ZNF644: variants seen among roughly 807,000 people sequenced by gnomAD.
ZNF644 encodes zinc finger protein 644, also known as zinc finger motif enhancer binding protein 2.
Under a neutral mutation model 108.0 loss-of-function variants are expected in ZNF644, and 20 were observed. The observed-to-expected ratio is 0.19, with a 90% CI of 0.13 to 0.27. The LOEUF is 0.27. ZNF644 is among the 10% of genes least tolerant of loss of function. ZNF644 has a pLI of 1.00. For synonymous variants in ZNF644, 542 were observed against 539.1 expected, an observed-to-expected ratio of 1.01 and a Z score of -0.08; for missense variants, 1,338 against 1,548.9, an observed-to-expected ratio of 0.86 and a Z score of 2.29.
chr1:90,953,930 A>C (rs1186135690), intron 2 of ZNF644, among the ~76,000 whole-genome samples: 1 of 152,140 alleles, frequency 6.6e-6, no homozygotes. Context: ...AACAACAACA[A>C]AAATAAATAA....
intron 1 of ZNF644, among the ~76,000 whole-genome samples, chr1:90,984,848 G>A (rs1656933738): frequency 6.6e-6 from 1 of 152,158 alleles, no homozygotes; most frequent in Admixed American, 6.5e-5. Context: ...TGTTGTGTAA[G>A]CCACCCAGTC....
intron 2 of ZNF644, among the ~76,000 whole-genome samples, chr1:90,968,206 GTTA>G (rs1655125426): frequency 6.6e-6 from 1 of 151,946 alleles, no homozygotes; most frequent in Non-Finnish European, 1.5e-5. Flanking sequence ...CTCATGATCA[GTTA>G]TTTTGTAGGA....
Position 91,022,031 on chromosome 1 carries a change from C to T in ZNF644, c.-59G>A, listed in dbSNP as rs1660988469. The T allele has an allele frequency of 1.5e-5, 6 of 398,858 alleles. No homozygotes were observed. The East Asian group carries it at 1.8e-4, about 12-fold the overall frequency. 24.7% of individuals were successfully genotyped at this position (398,858 alleles called of 1,614,324 possible). A position where few individuals can be genotyped will look rare whatever the true frequency, so the allele number is the denominator to read the frequency against. ...CGTCAAACCGGGGCGACGTTGGGAGCACGCGGCGTCCCCGCGTCACACGCC... is the reference window on the plus strand; with the variant it reads ...CGTCAAACCGGGGCGACGTTGGGAGTACGCGGCGTCCCCGCGTCACACGCC... On this transcript the variant is annotated 5_prime_UTR_variant, in exon 1 of 6. Coordinates refer to ENST00000337393, the MANE Select transcript of ZNF644 (RefSeq NM_201269.3).
chr1:91,016,110 A>G (rs903993992), intron 1 of ZNF644, among the ~76,000 whole-genome samples: 83 of 152,156 alleles, frequency 5.5e-4, no homozygotes, highest in African/African-American at 1.9e-3. Flanking sequence ...TTGTGATTCT[A>G]TGTGTGTGTG....
At chr1:90,941,339 T>A in intron 2 of ZNF644, 30 bp from the exon 3 acceptor site, 2 of 1,579,546 alleles carry the variant, frequency 1.3e-6, no homozygotes, top group Non-Finnish European at 1.7e-6. Context: ...AATTTAGATT[T>A]GCATGAAAGA....
chr1:90,975,467 T>A (rs1480908771), intron 2 of ZNF644, among the ~76,000 whole-genome samples: 2 of 148,388 alleles, frequency 1.3e-5, no homozygotes, highest in Admixed American at 1.4e-4. Flanking sequence ...AGACAGAGTC[T>A]CGCTCTGTCT....
Position 90,938,616 on chromosome 1 carries a change from T to C in ZNF644, c.2738A>G (p.Asn913Ser). 3 of 1,611,806 alleles carry C rather than the reference T, an allele frequency of 1.9e-6. No homozygotes were observed. Among genetic ancestry groups the C allele is most frequent in the Non-Finnish European group, 2.5e-6 (3 of 1,178,836 alleles). ...ATAGTATTCAAAATAAAAGCCATCG[T>C]TTTGGTCATAACTAAGAGTAGCATT... is the stretch of plus-strand genomic sequence containing the variant. ...GENATLSYDQ[N>S]DGFYFEYYED... Residue 913 changes from asparagine to serine, a missense_variant, in exon 3 of 6, where the codon AAC becomes AGC. Asn to Ser is a conservative substitution (Grantham distance 46, BLOSUM62 1). Around this residue, in one of 6 missense-constraint regions of ZNF644, gnomAD observed 462 missense variants for 472.6 expected, o/e 0.98. Coordinates refer to ENST00000337393, the MANE Select transcript of ZNF644 (RefSeq NM_201269.3). The surrounding 1 kb of genome is among the most constrained non-coding windows in gnomAD (Gnocchi z 4.2).
At chr1:90,966,162 G>A (rs1016454689) in intron 2 of ZNF644, among the ~76,000 whole-genome samples, 10 of 152,006 alleles carry the variant, frequency 6.6e-5, no homozygotes, top group South Asian at 2.1e-4. Flanking sequence ...ATATACTTAC[G>A]GATCATTTCT....
intron 2 of ZNF644, among the ~76,000 whole-genome samples, chr1:90,959,529 G>A (rs1044971022): frequency 2.0e-5 from 3 of 151,908 alleles, no homozygotes; most frequent in Non-Finnish European, 4.4e-5. Flanking sequence ...TGTAAATTGC[G>A]GTATATCCAT....
chr1:91,009,926 T>C (rs895976923), intron 1 of ZNF644, among the ~76,000 whole-genome samples: 2 of 152,182 alleles, frequency 1.3e-5, no homozygotes, highest in African/African-American at 4.8e-5. Context: ...CCACAATATT[T>C]GATTTGACTT....
At chr1:90,998,099 C>G (rs1437034133) in intron 1 of ZNF644, among the ~76,000 whole-genome samples, 2 of 152,220 alleles carry the variant, frequency 1.3e-5, no homozygotes, top group Non-Finnish European at 2.9e-5. Context: ...CTGCCTGCCT[C>G]TGTAGACTCC....
intron 1 of ZNF644, among the ~76,000 whole-genome samples, chr1:90,982,820 T>C (rs1022123746): frequency 6.6e-6 from 1 of 152,062 alleles, no homozygotes; most frequent in Non-Finnish European, 1.5e-5. Flanking sequence ...CACATAAAAG[T>C]ATATAACAAA....
intron 4 of ZNF644, among the ~76,000 whole-genome samples, chr1:90,936,317 T>C (rs1651312112): frequency 6.6e-6 from 1 of 152,200 alleles, no homozygotes; most frequent in African/African-American, 2.4e-5. Context: ...TGAAGTATAC[T>C]ACCCCTTGGT....
At chr1:91,013,673 T>A (rs550127633) in intron 1 of ZNF644, among the ~76,000 whole-genome samples, 48 of 152,146 alleles carry the variant, frequency 3.2e-4, no homozygotes, top group Non-Finnish European at 1.9e-4. Context: ...TGTTATTCTT[T>A]CCCTATACCC....
At chr1:90,966,284 T>C (rs189652508) in intron 2 of ZNF644, among the ~76,000 whole-genome samples, 2 of 152,288 alleles carry the variant, frequency 1.3e-5, no homozygotes, top group Admixed American at 1.3e-4. Flanking sequence ...TATTTTTCTT[T>C]ATAGTACTAA....
chr1:90,981,287 A>G (rs531684794), intron 2 of ZNF644, among the ~76,000 whole-genome samples: 1 of 152,262 alleles, frequency 6.6e-6, no homozygotes, highest in East Asian at 1.9e-4. Context: ...AGGAGGTACT[A>G]TAACGATCAA....
chr1:90,962,676 C>G (rs1654450857), intron 2 of ZNF644, among the ~76,000 whole-genome samples: 1 of 152,014 alleles, frequency 6.6e-6, no homozygotes, highest in Non-Finnish European at 1.5e-5. Context: ...GCTTAGCATT[C>G]TGTACATTGT....
intron 2 of ZNF644, among the ~76,000 whole-genome samples, chr1:90,977,848 T>C (rs28582241): frequency 0.11 from 16,933 of 152,172 alleles, 1,026 homozygotes; most frequent in South Asian, 0.16. Flanking sequence ...GTAACAGTTA[T>C]AATAAATGTG....
At chr1:91,015,620 T>G (rs1557668377) in intron 1 of ZNF644, among the ~76,000 whole-genome samples, 1 of 152,188 alleles carries the variant, frequency 6.6e-6, no homozygotes, top group African/African-American at 2.4e-5. Context: ...CCCAAGTGTA[T>G]CTACTCATCT....
Sources: gnomAD v4.1 joint callset for allele counts (sites outside exome capture counted in the v4.1 genomes callset) on GRCh38, gnomAD v4.1.1 for gene constraint, gnomAD v4.1.1 regional missense constraint, Gnocchi (gnomAD v3.1) non-coding constraint, MANE v1.5 for transcripts, NCBI Gene and HGNC (gene_info 2026-07-23, HGNC 2026-07-21) for gene names.